The following MAD1L1 variants were observed in gnomAD, a reference collection of about 807,000 sequenced individuals.
MAD1L1 encodes mitotic spindle assembly checkpoint protein MAD1.
Under a neutral mutation model 96.9 loss-of-function variants are expected in MAD1L1, and 95 were observed. The ratio of observed to expected loss-of-function variants is 0.98; its 90% CI spans 0.83 to 1.16. The LOEUF (loss-of-function observed/expected upper bound fraction) is 1.16. Among genes scored for constraint, MAD1L1 ranks in the 50% most tolerant of loss-of-function variants. The pLI, the probability that MAD1L1 is intolerant of heterozygous loss-of-function variation, is 0.00. For missense variants in MAD1L1, 1,007 were observed against 954.4 expected (o/e 1.06, Z -0.73); for synonymous variants, 473 against 396.6 (o/e 1.19, Z -2.29).
chr7:2,133,349 T>C (rs1396547887), intron 11 of MAD1L1, among the ~76,000 whole-genome samples: 1 of 152,280 alleles, frequency 6.6e-6, no homozygotes, highest in Non-Finnish European at 1.5e-5. Flanking sequence ...GTGTCTGCTT[T>C]GGTGAGGCGC....
At chr7:1,876,269 T>A (rs571110068) in intron 18 of MAD1L1, among the ~76,000 whole-genome samples, 1 of 152,254 alleles carries the variant, frequency 6.6e-6, no homozygotes, top group South Asian at 2.1e-4. Flanking sequence ...CAGCTCCTTC[T>A]CTGGAGGCTA....
intron 11 of MAD1L1, among the ~76,000 whole-genome samples, chr7:2,090,858 G>A (rs576467025): frequency 6.6e-6 from 1 of 152,306 alleles, no homozygotes; most frequent in African/African-American, 2.4e-5. Context: ...CCACTCTTTG[G>A]AAGGAGGTCA....
intron 17 of MAD1L1, among the ~76,000 whole-genome samples, chr7:1,899,227 G>C (rs891915217): frequency 6.6e-6 from 1 of 152,208 alleles, no homozygotes; most frequent in Non-Finnish European, 1.5e-5. Context: ...TTTCTCACCC[G>C]AGAGGCCTTC....
rs376887913 is a variant in MAD1L1 at position 1,823,264 on chromosome 7, C to G, written c.1999-7036G>C. Among the ~76,000 whole-genome samples the G allele has an allele frequency of 1.2e-4, 18 of 152,138 alleles. No individual in the cohort carries two copies. The South Asian group carries it at 2.1e-3, about 18-fold the overall frequency. ...CTCACATCTCAAATAAAATTTAACT[C>G]AAACTGTATCACGAACTTACATGTA... On this transcript the variant is annotated intron_variant, in intron 18 of 18. Coordinates refer to ENST00000265854, the MANE Select transcript of MAD1L1 (RefSeq NM_001013836.2).
chr7:2,090,660 G>C (rs1393021186), intron 11 of MAD1L1, among the ~76,000 whole-genome samples: 1 of 152,230 alleles, frequency 6.6e-6, no homozygotes, highest in Non-Finnish European at 1.5e-5. Flanking sequence ...GTTCTGAGCA[G>C]GACTGGCCCA....
intron 17 of MAD1L1, among the ~76,000 whole-genome samples, chr7:1,903,885 ATGCTCTTG>A (rs1479970400): frequency 3.3e-3 from 434 of 133,256 alleles, no homozygotes; most frequent in Middle Eastern, 7.6e-3. Context: ...CCTATGGAAG[ATGCTCTTG>A]CGGAACTCAT....
At chr7:1,965,805 G>T (rs1000363004) in intron 15 of MAD1L1, among the ~76,000 whole-genome samples, 1 of 152,382 alleles carries the variant, frequency 6.6e-6, no homozygotes, top group South Asian at 2.1e-4. Context: ...AGGGCCGGGC[G>T]TGGGCCCAAC....
intron 15 of MAD1L1, among the ~76,000 whole-genome samples, chr7:1,961,270 G>C (rs986294347): frequency 2.0e-5 from 3 of 152,246 alleles, no homozygotes; most frequent in Non-Finnish European, 4.4e-5. Flanking sequence ...TTCATATGGA[G>C]ATGTAATGGA....
chr7:1,980,910 C>T (rs1780876130), intron 14 of MAD1L1: 1 of 379,442 alleles, frequency 2.6e-6, no homozygotes. Context: ...TATTCCGCTA[C>T]TTCCAATTCC....
chr7:2,110,312 G>A (rs7809320), intron 11 of MAD1L1, among the ~76,000 whole-genome samples: 26,730 of 152,192 alleles, frequency 0.18, 2,818 homozygotes, highest in Middle Eastern at 0.33. Flanking sequence ...CCCACGCCTC[G>A]GTACACAGCA....
At chr7:2,011,233 C>T (rs1347494419) in intron 13 of MAD1L1, among the ~76,000 whole-genome samples, 1 of 152,090 alleles carries the variant, frequency 6.6e-6, no homozygotes, top group African/African-American at 2.4e-5. Context: ...AGCCCCTTGG[C>T]CCTCCACGGG....
intron 14 of MAD1L1, among the ~76,000 whole-genome samples, chr7:1,981,447 C>G (rs1451904103): frequency 1.3e-5 from 2 of 152,106 alleles, no homozygotes; most frequent in Non-Finnish European, 2.9e-5. Flanking sequence ...AGCTCCAGGG[C>G]CCGGGGGTGC....
At chr7:2,168,140 C>T (rs910244789) in intron 10 of MAD1L1, among the ~76,000 whole-genome samples, 1 of 152,098 alleles carries the variant, frequency 6.6e-6, no homozygotes, top group Admixed American at 6.5e-5. Context: ...CAAAAATTAG[C>T]CAGGCGTGGT....
At chr7:1,883,761 C>T (rs1029734284) in intron 18 of MAD1L1, among the ~76,000 whole-genome samples, 1 of 152,138 alleles carries the variant, frequency 6.6e-6, no homozygotes, top group African/African-American at 2.4e-5. Flanking sequence ...TGCCCCAGGC[C>T]GTATTAAAAG....
chr7:2,091,514 G>A (rs888619231), intron 11 of MAD1L1, among the ~76,000 whole-genome samples: 5 of 152,364 alleles, frequency 3.3e-5, no homozygotes, highest in Admixed American at 1.3e-4. Flanking sequence ...GGTAGCTCAC[G>A]CCTATGATCC....
At chr7:2,128,410 G>C (rs1233672241) in intron 11 of MAD1L1, among the ~76,000 whole-genome samples, 1 of 152,100 alleles carries the variant, frequency 6.6e-6, no homozygotes, top group African/African-American at 2.4e-5. Flanking sequence ...AGGCAGTTCA[G>C]AGTTCATGAA....
rs149807535 is a variant in MAD1L1, at chr7:1,910,609, T to C, written c.1808-12219A>G. ...TGGGCCACCCCCACCAGTGGTCTTC[T>C]GGGCACCCCACATTTGCTTTCTCCC... On this transcript the variant is annotated intron_variant, in intron 17 of 18. Transcript: ENST00000265854. 2.8e-3 allele frequency among the ~76,000 whole-genome samples: 430 copies of C among 152,328 alleles called. 3 individuals carry two copies. The Middle Eastern group carries it at 0.068, about 24-fold the overall frequency.
At chr7:2,229,131 G>A (rs894744987) in intron 3 of MAD1L1, among the ~76,000 whole-genome samples, 2 of 152,200 alleles carry the variant, frequency 1.3e-5, no homozygotes, top group African/African-American at 4.8e-5. Flanking sequence ...GGCCTCATCT[G>A]GGCTCTGAGA....
intron 11 of MAD1L1, among the ~76,000 whole-genome samples, chr7:2,118,330 G>C (rs1787815302): frequency 6.6e-6 from 1 of 152,200 alleles, no homozygotes; most frequent in African/African-American, 2.4e-5. Flanking sequence ...GGCGGTCACA[G>C]ATCTACACGG....
Sources: gnomAD v4.1 joint callset for allele counts (sites outside exome capture counted in the v4.1 genomes callset) on GRCh38, gnomAD v4.1.1 for gene constraint, MANE v1.5 for transcripts, NCBI Gene and HGNC (gene_info 2026-07-23, HGNC 2026-07-21) for gene names.